PCDH9: variants seen among roughly 807,000 people sequenced by gnomAD.
PCDH9 encodes protocadherin-9.
Under a neutral mutation model 70.6 loss-of-function variants are expected in PCDH9, and 24 were observed. That is an observed-to-expected ratio of 0.34 (90% CI 0.25 to 0.48). PCDH9 has a LOEUF of 0.48. PCDH9 is among the 20% of genes least tolerant of loss of function. The probability of loss-of-function intolerance (pLI) is 0.99; values close to 1 mark genes in which losing one functional copy is unlikely to be tolerated. For synonymous variants in PCDH9, 562 were observed against 558.5 expected, an observed-to-expected ratio of 1.01 and a Z score of -0.09; for missense variants, 1,281 against 1,503.6, an observed-to-expected ratio of 0.85 and a Z score of 2.45.
Position 66,452,504 on chromosome 13 carries a change from T to C in PCDH9, c.3341-147476A>G, listed in dbSNP as rs113161686. Among the ~76,000 whole-genome samples the C allele has an allele frequency of 3.8e-3, 574 of 152,254 alleles. 5 individuals are homozygous for C. The highest frequency in any genetic ancestry group is 0.013 in the African/African-American group (553 of 41,542). ...ATATATTTCTTGAAGATCCTTTCTT[T>C]TGAGTGCTTTGGAACTTACATGAAT... On this transcript the variant is annotated intron_variant, in intron 4 of 4. Coordinates refer to ENST00000377865, the MANE Select transcript of PCDH9 (RefSeq NM_203487.3).
intron 2 of PCDH9, among the ~76,000 whole-genome samples, chr13:67,084,286 C>A (rs1181074100): frequency 2.0e-5 from 3 of 152,088 alleles, no homozygotes; most frequent in East Asian, 1.9e-4. Context: ...GAACTCTGAC[C>A]CCATTCTTCT....
chr13:67,030,947 T>C (rs950966569), intron 2 of PCDH9, among the ~76,000 whole-genome samples: 13 of 152,206 alleles, frequency 8.5e-5, no homozygotes, highest in South Asian at 2.1e-4. Flanking sequence ...GACACTGATA[T>C]AGGAAACTTA....
Position 66,612,160 on chromosome 13 carries a change from A to G in PCDH9, c.3340+19050T>C, listed in dbSNP as rs149798272. On this transcript the variant is annotated intron_variant, in intron 4 of 4. Coordinates refer to ENST00000377865, the MANE Select transcript of PCDH9 (RefSeq NM_203487.3). ...GTTTAATCCTGAATCTGTGTGTTAG[A>G]TCATGAAAGCAAAGGAAATATGTGA... Among the ~76,000 whole-genome samples the G allele has an allele frequency of 7.6e-3, 1,159 of 152,340 alleles. 5 individuals are homozygous for G. Among genetic ancestry groups the G allele is most frequent in the Non-Finnish European group, 0.011 (761 of 68,016 alleles).
chr13:66,843,209 T>A (rs1230728619), intron 3 of PCDH9, among the ~76,000 whole-genome samples: 10 of 152,162 alleles, frequency 6.6e-5, no homozygotes, highest in Admixed American at 6.5e-4. Flanking sequence ...TGGTTGTATT[T>A]TACATGTAGA....
intron 4 of PCDH9, among the ~76,000 whole-genome samples, chr13:66,599,265 T>G (rs2077137428): frequency 6.6e-6 from 1 of 151,812 alleles, no homozygotes; most frequent in Non-Finnish European, 1.5e-5. Context: ...AAGAAATTTT[T>G]TTTCTTTGCT....
At chr13:66,367,013 T>G (rs1956564349) in intron 4 of PCDH9, among the ~76,000 whole-genome samples, 1 of 152,158 alleles carries the variant, frequency 6.6e-6, no homozygotes, top group Non-Finnish European at 1.5e-5. Context: ...ATTTCCTATT[T>G]TTAATATCAC....
intron 2 of PCDH9, among the ~76,000 whole-genome samples, chr13:66,987,570 T>C (rs990828156): frequency 1.3e-5 from 2 of 152,072 alleles, no homozygotes; most frequent in Non-Finnish European, 2.9e-5. Flanking sequence ...AATGAAGAGC[T>C]AGCTGATACG....
intron 2 of PCDH9, among the ~76,000 whole-genome samples, chr13:67,174,314 G>GATAGATAC (rs372130505): frequency 0.01 from 1,516 of 149,536 alleles, 17 homozygotes; most frequent in African/African-American, 0.025. Context: ...TAGATAGATA[G>GATAGATAC]ATACATACAT....
chr13:66,955,124 A>G (rs1000097243), intron 2 of PCDH9, among the ~76,000 whole-genome samples: 2 of 152,174 alleles, frequency 1.3e-5, no homozygotes, highest in Admixed American at 1.3e-4. Context: ...TTGACTATTC[A>G]CCATCTGATT....
chr13:66,575,382 A>T (rs2076799887), intron 4 of PCDH9, among the ~76,000 whole-genome samples: 1 of 152,028 alleles, frequency 6.6e-6, no homozygotes, highest in East Asian at 1.9e-4. Flanking sequence ...AGAAATCTGG[A>T]TGTCTTTATT....
At chr13:66,611,479 C>G (rs2077293166) in intron 4 of PCDH9, among the ~76,000 whole-genome samples, 1 of 152,088 alleles carries the variant, frequency 6.6e-6, no homozygotes, top group African/African-American at 2.4e-5. Context: ...TGGGTTGATC[C>G]TACAGAAATA....
chr13:66,424,368 C>G (rs1173418255), intron 4 of PCDH9, among the ~76,000 whole-genome samples: 1 of 151,834 alleles, frequency 6.6e-6, no homozygotes, highest in Non-Finnish European at 1.5e-5. Context: ...ATTGAGCAAG[C>G]CTACAGGATA....
At chr13:66,462,692 T>C (rs1958447371) in intron 4 of PCDH9, among the ~76,000 whole-genome samples, 1 of 151,808 alleles carries the variant, frequency 6.6e-6, no homozygotes, top group African/African-American at 2.4e-5. Context: ...CGCTGGGCTA[T>C]GATTTAAACA....
chr13:66,790,050 C>A (rs2080140398), intron 3 of PCDH9, among the ~76,000 whole-genome samples: 1 of 152,102 alleles, frequency 6.6e-6, no homozygotes, highest in Non-Finnish European at 1.5e-5. Flanking sequence ...TTTAAGGTGG[C>A]TCTACCAATT....
intron 4 of PCDH9, among the ~76,000 whole-genome samples, chr13:66,568,994 CTTT>C (rs61067249): frequency 1.7e-5 from 1 of 58,314 alleles, no homozygotes; most frequent in African/African-American, 7.5e-5. Flanking sequence ...GGAAACATGT[CTTT>C]TTTTTTTTTT....
At chr13:67,142,611 TA>T (rs2087422742) in intron 2 of PCDH9, among the ~76,000 whole-genome samples, 1 of 152,048 alleles carries the variant, frequency 6.6e-6, no homozygotes, top group Non-Finnish European at 1.5e-5. Context: ...ATAGTGGTAT[TA>T]AAAAAGAGTA....
intron 2 of PCDH9, chr13:67,217,174 G>A (rs1193853898): frequency 1.3e-5 from 2 of 151,792 alleles, no homozygotes; most frequent in African/African-American, 4.8e-5. Context: ...AACTACTACT[G>A]TCAGCAGAAG....
Position 67,153,446 on chromosome 13 carries a change from G to A in PCDH9, c.3036+71959C>T, listed in dbSNP as rs75518624. Among the ~76,000 whole-genome samples, 1,060 of 152,222 alleles carry A rather than the reference G, an allele frequency of 7.0e-3. 11 individuals are homozygous for A. Among genetic ancestry groups the A allele is most frequent in the African/African-American group, 0.024 (1,006 of 41,558 alleles). On this transcript the variant is annotated intron_variant, in intron 2 of 4. Coordinates refer to ENST00000377865, the MANE Select transcript of PCDH9 (RefSeq NM_203487.3). ...TGGCTTCCCAAGCGTGGGGATTATA[G>A]GAGTTGGCCACCACTCCCAGCCCAC...
chr13:67,209,138 T>A (rs1407782992), intron 2 of PCDH9: 1 of 152,166 alleles, frequency 6.6e-6, no homozygotes, highest in East Asian at 1.9e-4. Context: ...ATTGACTGAA[T>A]TCCCAGTACT....
Sources: allele counts gnomAD v4.1 joint callset (sites outside exome capture counted in the v4.1 genomes callset), GRCh38; gene constraint gnomAD v4.1.1; transcripts MANE v1.5; gene names NCBI Gene and HGNC (gene_info 2026-07-23, HGNC 2026-07-21).